Variants in KIF13B observed in about 807,000 individuals in gnomAD.
The protein encoded by KIF13B is kinesin family member 13B.
KIF13B carries 127 observed loss-of-function variants against 222.0 expected under a neutral mutation model. The ratio of observed to expected loss-of-function variants is 0.57; its 90% CI spans 0.50 to 0.66. KIF13B has a LOEUF of 0.66. KIF13B is among the 30% of genes least tolerant of loss of function. The pLI, the probability that KIF13B is intolerant of heterozygous loss-of-function variation, is 0.00. For missense variants in KIF13B, 2,173 were observed against 2,379.0 expected (o/e 0.91, Z 1.80); for synonymous variants, 976 against 919.0 (o/e 1.06, Z -1.12).
At chr8:29,201,888 G>A (rs1467798905) in intron 2 of KIF13B, among the ~76,000 whole-genome samples, 2 of 152,090 alleles carry the variant, frequency 1.3e-5, no homozygotes. Flanking sequence ...TTCCATACAT[G>A]GAATGAAGCC....
chr8:29,197,368 A>T (rs1012502088), intron 2 of KIF13B, among the ~76,000 whole-genome samples: 2 of 149,242 alleles, frequency 1.3e-5, no homozygotes, highest in Non-Finnish European at 3.0e-5. Context: ...AAAACTCAAT[A>T]TATACAGTCA....
Position 29,071,509 on chromosome 8 carries a change from C to T in KIF13B, c.5218+111G>A. On this transcript the variant is annotated intron_variant, in intron 39 of 39. Transcript: ENST00000524189. This position sits in a 1 kb window ranked among gnomAD's most constrained non-coding sequence, Gnocchi z 4.9. ...CCCGCAGCTTCAGCCAAGCCGCTGC[C>T]TCCCGGCCCCTCCCTCTCCTGCCCG... is the stretch of plus-strand genomic sequence containing the variant. The T allele has an allele frequency of 2.0e-6, 2 of 1,001,472 alleles. No homozygotes were observed. The highest frequency in any genetic ancestry group is 3.0e-6 in the Non-Finnish European group (2 of 674,346). The allele number at this position is 1,001,472 out of a possible 1,614,324, so 62.0% of individuals were successfully genotyped here. A position where few individuals can be genotyped will look rare whatever the true frequency, so the allele number is the denominator to read the frequency against.
chr8:29,124,807 C>T (rs1810034974), intron 26 of KIF13B, among the ~76,000 whole-genome samples: 1 of 151,268 alleles, frequency 6.6e-6, no homozygotes, highest in African/African-American at 2.4e-5. Context: ...CGCTTGAACC[C>T]GGGAGGCAGA....
At chr8:29,195,710 C>T (rs898511396) in intron 3 of KIF13B, among the ~76,000 whole-genome samples, 2 of 152,154 alleles carry the variant, frequency 1.3e-5, no homozygotes, top group Non-Finnish European at 2.9e-5. Context: ...GCTGTGCAGG[C>T]TTCTGTTGGC....
At chr8:29,134,010 A>G in intron 22 of KIF13B, 30 bp downstream of exon 22, 1 of 1,598,220 alleles carries the variant, frequency 6.3e-7, no homozygotes, top group African/African-American at 1.3e-5. Flanking sequence ...AGTAATCTAA[A>G]TGCTGACCTA....
intron 2 of KIF13B, among the ~76,000 whole-genome samples, chr8:29,219,705 A>G (rs1814655578): frequency 6.6e-6 from 1 of 152,070 alleles, no homozygotes; most frequent in South Asian, 2.1e-4. Flanking sequence ...GTGAGCCAAG[A>G]TTGTGTCACT....
chr8:29,084,853 T>C (rs1807972898), intron 37 of KIF13B, among the ~76,000 whole-genome samples: 1 of 152,272 alleles, frequency 6.6e-6, no homozygotes. Flanking sequence ...TTGCAGTTCA[T>C]TATTTTCCAG....
intron 1 of KIF13B, among the ~76,000 whole-genome samples, chr8:29,253,580 G>T (rs1257205716): frequency 6.6e-6 from 1 of 151,828 alleles, no homozygotes; most frequent in Admixed American, 6.6e-5. Context: ...GTTTAAAAAA[G>T]AAACCAATCA....
At position 29,075,322 on chromosome 8, in the gene KIF13B, G is replaced by T; in HGVS notation, c.4480C>A (p.Gln1494Lys). The change falls in exon 38 of 40, where the codon CAG (glutamine) becomes AAG (lysine). Residue 1494 changes from glutamine (Q) to lysine (K), a missense_variant. By Grantham distance (53) the Gln-to-Lys change is moderately conservative. Transcript: ENST00000524189. ...ACCCTGATGTCCGGGCTGGCTGACTGCACCATGATGCGGGGCACGGGCTGA... is the reference window on the plus strand; with the variant it reads ...ACCCTGATGTCCGGGCTGGCTGACTTCACCATGATGCGGGGCACGGGCTGA... ...AHQPVPRIMV[Q>K]SASPDIRVTR... 1 of 1,559,684 alleles carries T rather than the reference G, an allele frequency of 6.4e-7. No individual in the cohort carries two copies. The highest frequency in any genetic ancestry group is 8.7e-7 in the Non-Finnish European group (1 of 1,151,296).
intron 35 of KIF13B, among the ~76,000 whole-genome samples, chr8:29,101,770 G>A (rs1357573470): frequency 6.6e-6 from 1 of 152,098 alleles, no homozygotes; most frequent in African/African-American, 2.4e-5. Context: ...CCTGAGACAG[G>A]GACCTCAAAT....
Position 29,072,037 on chromosome 8 carries a change from C to T in KIF13B, c.4801G>A (p.Ala1601Thr), listed in dbSNP as rs1227944519. The part of the protein sequence containing the change: ...PPGSMPTAPE[A>T]EPEAPISHPP... ...TGGCTGATGGGCGCCTCGGGCTCGGCCTCAGGGGCGGTGGGCATGGACCCC... is the reference window on the plus strand; with the variant it reads ...TGGCTGATGGGCGCCTCGGGCTCGGTCTCAGGGGCGGTGGGCATGGACCCC... The change falls in exon 39 of 40, where the codon GCC becomes ACC. Residue 1601 changes from alanine (A) to threonine (T), a missense_variant. Physicochemically the swap from Ala to Thr is moderately conservative, Grantham distance 58. This residue lies in a region of KIF13B where 693 missense variants were observed against 656.2 expected (regional missense o/e 1.06). Transcript: ENST00000524189. 12 of 1,299,372 alleles carry T rather than the reference C, an allele frequency of 9.2e-6. No homozygotes were observed. The highest frequency in any genetic ancestry group is 2.9e-4 in the Middle Eastern group (1 of 3,426). 80.5% of individuals were successfully genotyped at this position (1,299,372 alleles called of 1,614,324 possible). A position where few individuals can be genotyped will look rare whatever the true frequency, so the allele number is the denominator to read the frequency against.
rs376027026 is a variant in KIF13B, at chr8:29,122,414, C to A, written c.3535+177G>T. Among the ~76,000 whole-genome samples the A allele has an allele frequency of 6.6e-5, 10 of 152,210 alleles. No homozygotes were observed. In the East Asian group the frequency reaches 7.7e-4, roughly 12 times the overall value. ...GAAGCACGCCTATTATTGTCATAAACATGAGACTATGACACACCAATCAGT... is the reference window on the plus strand; with the variant it reads ...GAAGCACGCCTATTATTGTCATAAAAATGAGACTATGACACACCAATCAGT... On this transcript the variant is annotated intron_variant, in intron 29 of 39. Transcript: ENST00000524189.
chr8:29,222,567 G>A (rs1281611249), intron 2 of KIF13B, among the ~76,000 whole-genome samples: 1 of 106,532 alleles, frequency 9.4e-6, no homozygotes, highest in Admixed American at 1.4e-4. Context: ...TAGAGACAGG[G>A]TGTCACTATA....
Position 29,091,501 on chromosome 8 carries a change from T to C in KIF13B, c.4458+1244A>G, listed in dbSNP as rs561153288. 9.2e-5 allele frequency among the ~76,000 whole-genome samples: 14 copies of C among 152,370 alleles called. No homozygotes were observed. In the East Asian group the frequency reaches 2.7e-3, roughly 29 times the overall value. On this transcript the variant is annotated intron_variant, in intron 37 of 39. Transcript: ENST00000524189. ...AAGAATCACCACAGACAGGCACTTA[T>C]AAATGCAGATTACAAGGTCTCTCCA...
rs534547123 is a variant in KIF13B at position 29,079,227 on chromosome 8, C to G, written c.4459-3884G>C. On this transcript the variant is annotated intron_variant, in intron 37 of 39. Transcript: ENST00000524189. ...AACCTTCCTCACGCCACTCCGCCCC[C>G]GTGGAATCGTGTTCCATCTAGTGAA... Among the ~76,000 whole-genome samples the G allele has an allele frequency of 2.6e-4, 39 of 152,302 alleles. No homozygotes were observed. In the South Asian group the frequency reaches 7.2e-3, roughly 28 times the overall value.
chr8:29,246,101 C>T (rs985733353), intron 1 of KIF13B, among the ~76,000 whole-genome samples: 14 of 152,092 alleles, frequency 9.2e-5, no homozygotes, highest in Non-Finnish European at 1.5e-4. Context: ...ATCACATGGC[C>T]GGGTGCGGTG....
rs1317461820 is a variant in KIF13B, at chr8:29,092,637, C to T, written c.4458+108G>A. The T allele has an allele frequency of 3.2e-6, 4 of 1,236,794 alleles. No homozygotes were observed. In the East Asian group the frequency reaches 1.0e-4, roughly 32 times the overall value. 76.6% of individuals were successfully genotyped at this position (1,236,794 alleles called of 1,614,324 possible). Reference sequence around the variant, plus strand: ...ACAGCTGTTTCTGGGTTTAAAAACCCAGTTTAGCCCCAACCCAGAGGCCGC... The same window carrying T: ...ACAGCTGTTTCTGGGTTTAAAAACCTAGTTTAGCCCCAACCCAGAGGCCGC... On this transcript the variant is annotated intron_variant, in intron 37 of 39. Coordinates refer to ENST00000524189, the MANE Select transcript of KIF13B (RefSeq NM_015254.4).
intron 13 of KIF13B, among the ~76,000 whole-genome samples, chr8:29,159,945 CATG>C (rs1811700436): frequency 6.6e-6 from 1 of 152,186 alleles, no homozygotes; most frequent in South Asian, 2.1e-4. Flanking sequence ...CTTTCCTGGT[CATG>C]TTCATTAAAC....
intron 1 of KIF13B, among the ~76,000 whole-genome samples, chr8:29,253,185 A>T (rs1013528696): frequency 1.6e-4 from 25 of 151,878 alleles, no homozygotes; most frequent in Non-Finnish European, 2.8e-4. Flanking sequence ...AAACAAATTT[A>T]AAAAAAATAA....
Sources: allele counts gnomAD v4.1 joint callset (sites outside exome capture counted in the v4.1 genomes callset), GRCh38; gene constraint gnomAD v4.1.1; regional missense constraint gnomAD v4.1.1; non-coding constraint Gnocchi (gnomAD v3.1); transcripts MANE v1.5; gene names NCBI Gene and HGNC (gene_info 2026-07-23, HGNC 2026-07-21).